The following RALYL variants were observed in gnomAD, a reference collection of about 807,000 sequenced individuals.
The protein encoded by RALYL is RNA-binding Raly-like protein.
A neutral mutation model predicts 35.1 loss-of-function variants in RALYL; 29 were observed. That is an observed-to-expected ratio of 0.83 (90% CI 0.61 to 1.13). The LOEUF (loss-of-function observed/expected upper bound fraction) is 1.13, where lower values mean the gene tolerates loss of function less well. Ranked by LOEUF, RALYL falls within the 50% of genes most tolerant of loss-of-function variation. The pLI is 0.00. For missense variants in RALYL, 359 were observed against 360.4 expected (o/e 1.00, Z 0.03); for synonymous variants, 120 against 127.6 (o/e 0.94, Z 0.40).
chr8:84,365,723 G>A (rs1232487604), intron 1 of RALYL, among the ~76,000 whole-genome samples: 1 of 152,180 alleles, frequency 6.6e-6, no homozygotes, highest in Non-Finnish European at 1.5e-5. Context: ...CTTGGATACA[G>A]ACAACAGAAG....
At chr8:84,220,166 A>C (rs920413684) in intron 1 of RALYL, among the ~76,000 whole-genome samples, 1 of 152,018 alleles carries the variant, frequency 6.6e-6, no homozygotes, top group Non-Finnish European at 1.5e-5. Context: ...CCTCTCTTTA[A>C]AATTTTGTAT....
At chr8:84,691,502 A>C (rs545794589) in intron 2 of RALYL, among the ~76,000 whole-genome samples, 32 of 152,222 alleles carry the variant, frequency 2.1e-4, no homozygotes, top group Non-Finnish European at 3.7e-4. Context: ...ATTCAAAAAC[A>C]AAGAGTAAGA....
chr8:84,776,804 G>A (rs1816950210), intron 3 of RALYL, among the ~76,000 whole-genome samples: 1 of 152,048 alleles, frequency 6.6e-6, no homozygotes, highest in African/African-American at 2.4e-5. Flanking sequence ...CTCTATTACT[G>A]TTATATTCAA....
intron 1 of RALYL, among the ~76,000 whole-genome samples, chr8:84,330,319 A>C (rs963124191): frequency 1.3e-5 from 2 of 152,054 alleles, no homozygotes; most frequent in African/African-American, 4.8e-5. Flanking sequence ...AGTGTTTGAC[A>C]ATATATACTA....
chr8:84,403,030 T>A (rs1421998388), intron 1 of RALYL, among the ~76,000 whole-genome samples: 3 of 152,182 alleles, frequency 2.0e-5, no homozygotes, highest in Admixed American at 1.3e-4. Flanking sequence ...CTTATAAATT[T>A]GTTTAAGTTC....
chr8:84,549,060 G>C (rs1228923991), intron 2 of RALYL, among the ~76,000 whole-genome samples: 1 of 152,154 alleles, frequency 6.6e-6, no homozygotes, highest in Non-Finnish European at 1.5e-5. Context: ...GTAGCTGTTT[G>C]AACTGTCCTG....
At position 84,878,388 on chromosome 8, in the gene RALYL, T is replaced by C. The variant is rs1841576745; in HGVS notation, c.685+4991T>C. Among the ~76,000 whole-genome samples, 14 of 152,102 alleles carry C rather than the reference T, an allele frequency of 9.2e-5. 1 individual carries two copies. The highest frequency in any genetic ancestry group is 9.2e-4 in the Admixed American group (14 of 15,250). ...CAGCCCAAGAGGAAAGACTTAAAGA[T>C]GCTGATAGAGGGTCAACTAAGGAAT... On this transcript the variant is annotated intron_variant, in intron 7 of 8. Transcript: ENST00000521268.
chr8:84,740,751 T>C (rs1283745665), intron 2 of RALYL, among the ~76,000 whole-genome samples: 1 of 152,010 alleles, frequency 6.6e-6, no homozygotes, highest in Non-Finnish European at 1.5e-5. Context: ...GTGGATAAAA[T>C]CGATGGCTCT....
chr8:84,783,534 A>G (rs569362685), intron 3 of RALYL, among the ~76,000 whole-genome samples: 2 of 152,298 alleles, frequency 1.3e-5, no homozygotes, highest in African/African-American at 4.8e-5. Flanking sequence ...AATTGGGGTG[A>G]CCATTTATTT....
chr8:84,225,335 G>A (rs1046270977), intron 1 of RALYL, among the ~76,000 whole-genome samples: 9 of 152,302 alleles, frequency 5.9e-5, no homozygotes, highest in Non-Finnish European at 1.2e-4. Flanking sequence ...CTACATAGCA[G>A]TTAGAAGTCA....
chr8:84,822,480 A>G (rs955278658), intron 4 of RALYL, among the ~76,000 whole-genome samples: 1 of 152,206 alleles, frequency 6.6e-6, no homozygotes, highest in Non-Finnish European at 1.5e-5. Context: ...GCATCAATTC[A>G]ACATTTGAAG....
At chr8:84,834,386 T>A (rs1330260354) in intron 4 of RALYL, among the ~76,000 whole-genome samples, 2 of 152,166 alleles carry the variant, frequency 1.3e-5, no homozygotes, top group Non-Finnish European at 2.9e-5. Context: ...GGAGGAGATG[T>A]GTTTGCAGCT....
At chr8:84,755,649 G>A (rs1404428575) in intron 2 of RALYL, among the ~76,000 whole-genome samples, 1 of 152,028 alleles carries the variant, frequency 6.6e-6, no homozygotes, top group Admixed American at 6.6e-5. Context: ...GCCTTGTTAA[G>A]TGATAAGAAA....
intron 1 of RALYL, among the ~76,000 whole-genome samples, chr8:84,233,678 C>A (rs1350532148): frequency 2.0e-5 from 3 of 152,172 alleles, no homozygotes; most frequent in Admixed American, 6.5e-5. Context: ...TCAGTACTCA[C>A]CAAGTCCTAC....
At chr8:84,306,162 TA>T (rs566170533) in intron 1 of RALYL, among the ~76,000 whole-genome samples, 4,265 of 130,434 alleles carry the variant, frequency 0.033, 94 homozygotes, top group South Asian at 0.036. Context: ...AGACTCCGTC[TA>T]AAAAAAAAAA....
chr8:84,407,014 CTCTCTATA>C (rs2043577159), intron 1 of RALYL, among the ~76,000 whole-genome samples: 1 of 142,662 alleles, frequency 7.0e-6, no homozygotes, highest in Non-Finnish European at 1.5e-5. Context: ...CTCTCTCTCT[CTCTCTATA>C]TATATATATA....
chr8:84,660,705 TC>T (rs1830740074), intron 2 of RALYL, among the ~76,000 whole-genome samples: 1 of 151,976 alleles, frequency 6.6e-6, no homozygotes, highest in African/African-American at 2.4e-5. Context: ...AAATTTAACT[TC>T]CACTTTGATA....
At chr8:84,868,361 T>G (rs1375629122) in intron 6 of RALYL, among the ~76,000 whole-genome samples, 1 of 152,006 alleles carries the variant, frequency 6.6e-6, no homozygotes, top group Non-Finnish European at 1.5e-5. Flanking sequence ...CCTGGCTAAT[T>G]TCCTTATTTT....
chr8:84,843,114 C>G (rs1388125416), intron 4 of RALYL, among the ~76,000 whole-genome samples: 2 of 152,092 alleles, frequency 1.3e-5, no homozygotes, highest in Non-Finnish European at 2.9e-5. Flanking sequence ...AAGTTCTGGC[C>G]AGGGCAATCA....
Sources: allele counts gnomAD v4.1 joint callset (sites outside exome capture counted in the v4.1 genomes callset), GRCh38; gene constraint gnomAD v4.1.1; transcripts MANE v1.5; gene names NCBI Gene and HGNC (gene_info 2026-07-23, HGNC 2026-07-21).